The following LRRC56 variants were observed in gnomAD, a reference collection of about 807,000 sequenced individuals.
The protein encoded by LRRC56 is leucine rich repeat containing 56.
LRRC56 carries 41 observed loss-of-function variants against 47.8 expected under a neutral mutation model. The observed-to-expected ratio is 0.86, with a 90% CI of 0.67 to 1.11. LRRC56 has a LOEUF of 1.11. Among genes scored for constraint, LRRC56 ranks in the 50% most tolerant of loss-of-function variants. The probability of loss-of-function intolerance (pLI) is 0.00; values close to 1 mark genes in which losing one functional copy is unlikely to be tolerated. For missense variants in LRRC56, 759 were observed against 704.2 expected, an observed-to-expected ratio of 1.08 and a Z score of -0.88; for synonymous variants, 387 against 311.2, an observed-to-expected ratio of 1.24 and a Z score of -2.56.
the LRRC56 span, chr11:506,565 G>T: frequency 6.6e-6 from 1 of 152,222 alleles, no homozygotes; most frequent in Non-Finnish European, 1.5e-5. Context: ...AATGGAGAGC[G>T]GAGGACCCTC....
chr11:546,247 G>A (rs890798598), intron 6 of LRRC56, among the ~76,000 whole-genome samples: 1 of 151,468 alleles, frequency 6.6e-6, no homozygotes, highest in African/African-American at 2.4e-5. Flanking sequence ...CACTCCAGCC[G>A]GGGCAACAGA....
chr11:540,545 G>A, intron 3 of LRRC56, 129 bp from the exon 4 acceptor site: 1 of 712,524 alleles, frequency 1.4e-6, no homozygotes, highest in Non-Finnish European at 2.3e-6. Flanking sequence ...TCTAGGCTCG[G>A]GGTGGGGGTG....
At chr11:544,124 G>T (rs1489547078) in intron 5 of LRRC56, among the ~76,000 whole-genome samples, 1 of 152,236 alleles carries the variant, frequency 6.6e-6, no homozygotes, top group Non-Finnish European at 1.5e-5. Flanking sequence ...AAAAGACTCC[G>T]AACGCAGAGC....
At chr11:533,829 T>C (rs2133990433), upstream of LRRC56, 1 of 1,613,272 alleles carries the variant, frequency 6.2e-7, no homozygotes. Context: ...CAGGAAGCCC[T>C]CCCCGGTGCG....
Position 552,569 on chromosome 11 carries a change from C to A in LRRC56, c.1182C>A (p.Arg394=), listed in dbSNP as rs773124247. The A allele has an allele frequency of 1.1e-5, 17 of 1,598,896 alleles. No individual in the cohort carries two copies. In the South Asian group the frequency reaches 1.9e-4, roughly 18 times the overall value. The change falls in exon 13 of 14, where the codon CGC becomes CGA. Residue 394 remains arginine, a splice_region_variant and synonymous_variant. Transcript: ENST00000270115. ...GCTTCTCCTCCTCTCCCCACCCTAGCCCCCTCCCCTATAGGCACCCGGAGT... is the reference window on the plus strand; with the variant it reads ...GCTTCTCCTCCTCTCCCCACCCTAGACCCCTCCCCTATAGGCACCCGGAGT... ...GLRAWREHGV[R]PLPYRHPESQ...
chr11:519,142 G>C, the LRRC56 span, among the ~76,000 whole-genome samples: 1 of 152,208 alleles, frequency 6.6e-6, no homozygotes, highest in Non-Finnish European at 1.5e-5. Flanking sequence ...GACATTTTCA[G>C]AACATACAAG....
chr11:507,501 G>T, the LRRC56 span, among the ~76,000 whole-genome samples: 1 of 152,186 alleles, frequency 6.6e-6, no homozygotes, highest in Non-Finnish European at 1.5e-5. Flanking sequence ...GGGCGCGTGT[G>T]CGTGTTGTGG....
chr11:528,673 G>GC, the LRRC56 span: 3 of 152,226 alleles, frequency 2.0e-5, no homozygotes, highest in Non-Finnish European at 4.4e-5. Context: ...GAGCCACGGG[G>GC]GTGACAGTGA....
At position 544,793 on chromosome 11, in the gene LRRC56, G is replaced by C. The variant is rs200409322; in HGVS notation, c.326+13G>C. 30 of 1,611,420 alleles carry C rather than the reference G, an allele frequency of 1.9e-5. No individual in the cohort carries two copies. The highest frequency in any genetic ancestry group is 2.2e-5 in the East Asian group (1 of 44,856). On this transcript the variant is annotated intron_variant, in intron 6 of 13. Coordinates refer to ENST00000270115, the MANE Select transcript of LRRC56 (RefSeq NM_198075.4). ...TGGGCTCCCTGAGGTGAGCGCCTGA[G>C]GGGGGTGGGCTGGGGCCCTGCCATG... is the stretch of plus-strand genomic sequence containing the variant.
chr11:544,870 A>T, intron 6 of LRRC56, 90 bp downstream of exon 6: 7 of 679,890 alleles, frequency 1.0e-5, no homozygotes, highest in South Asian at 2.1e-5. Context: ...ACTTGGTGGG[A>T]GTGGGGGGAC....
rs529085204 is a variant in LRRC56, at chr11:551,152, A to G, written c.646A>G (p.Arg216Gly). The G allele has an allele frequency of 6.0e-6, 9 of 1,510,602 alleles. No homozygotes were observed. The highest frequency in any genetic ancestry group is 5.2e-5 in the East Asian group (2 of 38,192). 93.6% of individuals were successfully genotyped at this position (1,510,602 alleles called of 1,614,324 possible). A position where few individuals can be genotyped will look rare whatever the true frequency, so the allele number is the denominator to read the frequency against. Reference protein sequence around the residue: ...TNKVPRGYNYRAEVRKLIPQL... With the variant: ...TNKVPRGYNYGAEVRKLIPQL... ...GCAGGTGCCCAGGGGCTACAACTAC[A>G]GGGCAGAGGTGAGGAAGCTCATTCC... is the stretch of plus-strand genomic sequence containing the variant. Residue 216 changes from arginine to glycine, a missense_variant, in exon 9 of 14, where the codon AGG becomes GGG. By Grantham distance (125) the Arg-to-Gly change is moderately radical (BLOSUM62 -2). Transcript: ENST00000270115.
chr11:518,465 A>T, the LRRC56 span, among the ~76,000 whole-genome samples: 2 of 152,082 alleles, frequency 1.3e-5, no homozygotes, highest in African/African-American at 4.8e-5. Context: ...TACAGGCGTG[A>T]GCCACCGCGC....
upstream of LRRC56, among the ~76,000 whole-genome samples, chr11:534,790 G>A (rs953760762): frequency 6.6e-6 from 1 of 152,184 alleles, no homozygotes; most frequent in Non-Finnish European, 1.5e-5. Context: ...TGCAGGCCCC[G>A]CGGCGCTGGT....
chr11:528,259 G>A, the LRRC56 span, among the ~76,000 whole-genome samples: 3 of 152,252 alleles, frequency 2.0e-5, no homozygotes, highest in Admixed American at 6.5e-5. Context: ...ATCGTAAGGA[G>A]GCAGCTGGTG....
In LRRC56 at chr11:540,770, A is replaced by C. The variant is rs749536958; in HGVS notation, c.86A>C (p.His29Pro). The change falls in exon 4 of 14, where the codon CAC becomes CCC. Residue 29 changes from histidine (H) to proline (P), a missense_variant. His to Pro is a moderately conservative substitution (Grantham distance 77). Coordinates refer to ENST00000270115, the MANE Select transcript of LRRC56 (RefSeq NM_198075.4). ...CGGGAGCTGAGCTGGCAAGGCCTGC[A>C]CAACCCCTGCCCACAGAGCAAGGGC... is the stretch of plus-strand genomic sequence containing the variant. ...RVRELSWQGL[H>P]NPCPQSKGPG... The C allele has an allele frequency of 5.6e-6, 9 of 1,610,530 alleles. No individual in the cohort carries two copies. Among genetic ancestry groups the C allele is most frequent in the Non-Finnish European group, 7.6e-6 (9 of 1,179,172 alleles).
the LRRC56 span, among the ~76,000 whole-genome samples, chr11:513,749 G>A: frequency 1.3e-5 from 2 of 150,932 alleles, no homozygotes; most frequent in Admixed American, 6.6e-5. Flanking sequence ...TTGAACCCAG[G>A]AGGCAGAGGT....
At chr11:551,466 T>A (rs1307705258) in intron 9 of LRRC56, among the ~76,000 whole-genome samples, 164 bp downstream of exon 9, 1 of 152,130 alleles carries the variant, frequency 6.6e-6, no homozygotes, top group African/African-American at 2.4e-5. Flanking sequence ...GCCAGGACAC[T>A]GTCTCTGAGC....
At chr11:548,919 G>A (rs1292408366) in intron 6 of LRRC56, among the ~76,000 whole-genome samples, 5 of 152,230 alleles carry the variant, frequency 3.3e-5, no homozygotes, top group East Asian at 1.9e-4. Flanking sequence ...AAACATCTGT[G>A]AGTCAGAGAT....
At chr11:535,887 C>T (rs909868583), upstream of LRRC56, among the ~76,000 whole-genome samples, 1 of 152,252 alleles carries the variant, frequency 6.6e-6, no homozygotes, top group East Asian at 1.9e-4. Flanking sequence ...GCGAGAGAAC[C>T]CGACTCAGCG....
Sources: allele counts gnomAD v4.1 joint callset (sites outside exome capture counted in the v4.1 genomes callset), GRCh38; gene constraint gnomAD v4.1.1; transcripts MANE v1.5; gene names NCBI Gene and HGNC (gene_info 2026-07-23, HGNC 2026-07-21).